Variants in NOL4 observed in about 807,000 individuals in gnomAD.
The protein encoded by NOL4 is nucleolar protein 4, also known as cancer/testis antigen 125.
Under a neutral mutation model 75.9 loss-of-function variants are expected in NOL4, and 17 were observed. That is an observed-to-expected ratio of 0.22 (90% confidence interval 0.15 to 0.34). The LOEUF (loss-of-function observed/expected upper bound fraction) is 0.34. Ranked by LOEUF, NOL4 falls within the 10% of genes least tolerant of loss-of-function variation. NOL4 has a pLI of 1.00. For missense variants in NOL4, 614 were observed against 793.5 expected (o/e 0.77, Z 2.72); for synonymous variants, 292 against 289.9 (o/e 1.01, Z -0.07).
intron 6 of NOL4, among the ~76,000 whole-genome samples, chr18:34,007,182 C>A (rs1049143572): frequency 6.6e-6 from 1 of 151,912 alleles, no homozygotes; most frequent in African/African-American, 2.4e-5. Context: ...AGTTGCTGTG[C>A]TGGCTGGGGT....
chr18:33,989,028 C>A (rs7236240), intron 6 of NOL4, among the ~76,000 whole-genome samples: 1 of 151,098 alleles, frequency 6.6e-6, no homozygotes, highest in Non-Finnish European at 1.5e-5. Context: ...AAGCCCATTT[C>A]TACAAAAAAT....
intron 5 of NOL4, among the ~76,000 whole-genome samples, chr18:34,051,661 G>A (rs1350900369): frequency 6.6e-6 from 1 of 152,050 alleles, no homozygotes; most frequent in African/African-American, 2.4e-5. Context: ...TTTAATGCAG[G>A]AAGCATACAG....
chr18:34,195,556 T>A (rs2035266012), intron 1 of NOL4, among the ~76,000 whole-genome samples: 1 of 152,166 alleles, frequency 6.6e-6, no homozygotes, highest in African/African-American at 2.4e-5. Context: ...TTTGATAGAT[T>A]GTTACCTTTT....
intron 2 of NOL4, among the ~76,000 whole-genome samples, chr18:34,113,204 T>C (rs548848506): frequency 1.1e-4 from 16 of 152,220 alleles, no homozygotes; most frequent in East Asian, 5.8e-4. Flanking sequence ...GGTCTTGAAC[T>C]CCTAGCCTCC....
At chr18:34,174,041 G>C (rs1600796835) in intron 1 of NOL4, among the ~76,000 whole-genome samples, 1 of 152,146 alleles carries the variant, frequency 6.6e-6, no homozygotes, top group South Asian at 2.1e-4. Flanking sequence ...ATGACCTAAT[G>C]GAGTGAATCA....
chr18:34,167,270 C>A (rs1242749180), intron 1 of NOL4, among the ~76,000 whole-genome samples: 2 of 151,966 alleles, frequency 1.3e-5, no homozygotes, highest in East Asian at 3.9e-4. Flanking sequence ...CTAATGGATA[C>A]CAAGGGAATA....
At chr18:33,859,869 G>C (rs909633235) in intron 10 of NOL4, among the ~76,000 whole-genome samples, 5 of 152,272 alleles carry the variant, frequency 3.3e-5, no homozygotes, top group Admixed American at 2.0e-4. Flanking sequence ...AGTGGGCCAA[G>C]ATCATGCCGC....
At position 34,139,994 on chromosome 18, in the gene NOL4, T is replaced by C. The variant is rs146756936; in HGVS notation, c.265-9974A>G. 9.8e-3 allele frequency among the ~76,000 whole-genome samples: 1,486 copies of C among 152,322 alleles called. 9 individuals carry two copies. The highest frequency in any genetic ancestry group is 0.017 in the Middle Eastern group (5 of 294). On this transcript the variant is annotated intron_variant, in intron 1 of 10. Transcript: ENST00000261592. ...TTCCATGTAGTTGAGCAGTTTTAAGTGAGTTTCTTAATCCTGAGTTCTAGT... is the reference window on the plus strand; with the variant it reads ...TTCCATGTAGTTGAGCAGTTTTAAGCGAGTTTCTTAATCCTGAGTTCTAGT...
intron 6 of NOL4, among the ~76,000 whole-genome samples, chr18:33,962,273 C>T (rs1884589253): frequency 6.6e-6 from 1 of 152,168 alleles, no homozygotes; most frequent in East Asian, 1.9e-4. Flanking sequence ...GTTTCAGTCA[C>T]CTGAGATTGA....
intron 5 of NOL4, among the ~76,000 whole-genome samples, chr18:34,051,911 A>T (rs939902948): frequency 2.0e-5 from 3 of 152,034 alleles, no homozygotes; most frequent in Non-Finnish European, 4.4e-5. Flanking sequence ...TTTTAATTTT[A>T]AAAAGATACA....
At chr18:33,876,110 A>C (rs2063921810) in intron 10 of NOL4, among the ~76,000 whole-genome samples, 1 of 152,074 alleles carries the variant, frequency 6.6e-6, no homozygotes, top group South Asian at 2.1e-4. Flanking sequence ...AAAGTTACAA[A>C]GATTTGAACA....
intron 5 of NOL4, among the ~76,000 whole-genome samples, chr18:34,082,503 T>A (rs920513296): frequency 3.3e-5 from 5 of 152,202 alleles, no homozygotes; most frequent in African/African-American, 9.7e-5. Context: ...GAGTTAGAAA[T>A]GCCTTTTAAA....
chr18:33,894,342 T>C (rs972305639), intron 9 of NOL4, among the ~76,000 whole-genome samples: 3 of 152,148 alleles, frequency 2.0e-5, no homozygotes, highest in Non-Finnish European at 4.4e-5. Flanking sequence ...CAGATACAGA[T>C]ACGCATACCC....
At chr18:34,123,412 T>C (rs2080236179) in intron 2 of NOL4, among the ~76,000 whole-genome samples, 1 of 151,080 alleles carries the variant, frequency 6.6e-6, no homozygotes, top group South Asian at 2.1e-4. Context: ...GTGTAAAACC[T>C]ATATATGTTT....
chr18:34,204,282 G>A (rs982838380), intron 1 of NOL4, among the ~76,000 whole-genome samples: 1 of 152,066 alleles, frequency 6.6e-6, no homozygotes, highest in Non-Finnish European at 1.5e-5. Flanking sequence ...AATCTCAGGT[G>A]ATGATTAGTT....
intron 6 of NOL4, among the ~76,000 whole-genome samples, chr18:33,973,856 A>G (rs2071275177): frequency 6.6e-6 from 1 of 152,210 alleles, no homozygotes; most frequent in South Asian, 2.1e-4. Context: ...TATAGAGCAC[A>G]GGCAGTGTAG....
chr18:34,035,744 G>T (rs141722196), intron 5 of NOL4, among the ~76,000 whole-genome samples: 2 of 151,566 alleles, frequency 1.3e-5, no homozygotes. Flanking sequence ...TAACCAAGAA[G>T]AGAAGATAGA....
intron 6 of NOL4, among the ~76,000 whole-genome samples, chr18:33,996,849 C>T (rs1344914291): frequency 4.6e-5 from 7 of 151,768 alleles, no homozygotes; most frequent in South Asian, 2.1e-4. Flanking sequence ...TTTGCTATTG[C>T]GAATAGCACT....
chr18:34,060,808 T>C (rs759469987), intron 5 of NOL4, among the ~76,000 whole-genome samples: 44 of 152,304 alleles, frequency 2.9e-4, no homozygotes, highest in Non-Finnish European at 5.3e-4. Context: ...CTACATAACC[T>C]GAGGCAATAA....
Sources: allele counts gnomAD v4.1 joint callset (sites outside exome capture counted in the v4.1 genomes callset), GRCh38; gene constraint gnomAD v4.1.1; transcripts MANE v1.5; gene names NCBI Gene and HGNC (gene_info 2026-07-23, HGNC 2026-07-21).